Variants in VPS35L observed in about 807,000 individuals in gnomAD.
The protein encoded by VPS35L is VPS35 endosomal protein sorting factor like, also known as VPS35 endosomal protein-sorting factor-like.
In VPS35L, 83 loss-of-function variants were observed where a neutral mutation model predicts 133.0. The ratio of observed to expected loss-of-function variants is 0.62; its 90% CI spans 0.52 to 0.75. The LOEUF (loss-of-function observed/expected upper bound fraction) is 0.75. VPS35L is among the 30% of genes least tolerant of loss of function. VPS35L has a pLI of 0.00. For synonymous variants in VPS35L, 423 were observed against 449.9 expected (o/e 0.94, Z 0.76); for missense variants, 1,083 against 1,206.8 (o/e 0.90, Z 1.52).
intron 26 of VPS35L, among the ~76,000 whole-genome samples, chr16:19,655,664 G>A (rs1373447248): frequency 3.9e-5 from 6 of 152,168 alleles, no homozygotes; most frequent in Admixed American, 3.3e-4. Flanking sequence ...TGTACACACC[G>A]GTGCTGTGCA....
intron 4 of VPS35L, 196 bp downstream of exon 4, chr16:19,573,437 A>G (rs1188775239): frequency 7.5e-6 from 4 of 533,906 alleles, no homozygotes; most frequent in Non-Finnish European, 1.3e-5. Context: ...AGGTTTCCCA[A>G]AAAAAAATGT....
rs990154538 is a variant in VPS35L at position 19,591,551 on chromosome 16, A to C, written c.640-239A>C. Among the ~76,000 whole-genome samples the C allele has an allele frequency of 4.2e-5, 6 of 141,636 alleles. No individual in the cohort carries two copies. The East Asian group carries it at 6.3e-4, about 15-fold the overall frequency. The allele number at this position is 141,636 out of a possible 152,430, so 92.9% of individuals were successfully genotyped here. A position where few individuals can be genotyped will look rare whatever the true frequency, so the allele number is the denominator to read the frequency against. On this transcript the variant is annotated intron_variant, in intron 7 of 30. Transcript: ENST00000417362. ...GGCAACATAGCGAGACCCCATCTCT[A>C]CAAAAAAAAAAAAGGAAGGGAAAAC...
intron 1 of VPS35L, among the ~76,000 whole-genome samples, chr16:19,564,115 G>T (rs980180712): frequency 2.6e-5 from 4 of 152,068 alleles, no homozygotes; most frequent in Non-Finnish European, 5.9e-5. Context: ...GTCTCACTCT[G>T]TCCCCCAGGC....
rs1457493435 is a variant in VPS35L at position 19,699,110 on chromosome 16, T to C, written c.2647-392T>C. The stretch of plus-strand genomic sequence containing the variant: ...ATACTGACTGCAGCTTTGGGTAGTT[T>C]GAGGACACATCTGAAAGAGGTGAGC... On this transcript the variant is annotated intron_variant, in intron 29 of 30. Coordinates refer to ENST00000417362, the MANE Select transcript of VPS35L (RefSeq NM_020314.7). This position sits in a 1 kb window ranked among gnomAD's most constrained non-coding sequence, Gnocchi z 4.2. 6.6e-6 allele frequency among the ~76,000 whole-genome samples: 1 copy of C among 152,186 alleles called. No individual in the cohort carries two copies. Among genetic ancestry groups the C allele is most frequent in the African/African-American group, 2.4e-5 (1 of 41,450 alleles).
intron 12 of VPS35L, among the ~76,000 whole-genome samples, 156 bp from the exon 13 acceptor site, chr16:19,615,958 C>T (rs1450952777): frequency 8.0e-6 from 1 of 124,306 alleles, no homozygotes; most frequent in Non-Finnish European, 1.5e-5. Flanking sequence ...CAGAGCGAGA[C>T]TCCATCTCAA....
chr16:19,580,961 T>C (rs962327838), intron 6 of VPS35L, among the ~76,000 whole-genome samples: 1 of 152,204 alleles, frequency 6.6e-6, no homozygotes, highest in African/African-American at 2.4e-5. Flanking sequence ...TGCGCTTTTT[T>C]CAATGGGCAC....
rs188400839 is a variant in VPS35L, at chr16:19,628,894, C to T, written c.1500+141C>T. 4.2e-3 allele frequency: 1,189 copies of T among 285,164 alleles called. 10 individuals are homozygous for T. The highest frequency in any genetic ancestry group is 0.022 in the African/African-American group (999 of 45,044). 17.7% of individuals were successfully genotyped at this position (285,164 alleles called of 1,614,324 possible). A position where few individuals can be genotyped will look rare whatever the true frequency, so the allele number is the denominator to read the frequency against. On this transcript the variant is annotated intron_variant, in intron 17 of 30. Coordinates refer to ENST00000417362, the MANE Select transcript of VPS35L (RefSeq NM_020314.7). The stretch of plus-strand genomic sequence containing the variant: ...GCAACCTCTGCCTCCTGGGTTCAAG[C>T]GATTCTTCTGCCTCAGCCTCCCGAG...
chr16:19,650,042 A>G (rs1380998251), intron 24 of VPS35L, among the ~76,000 whole-genome samples: 1 of 152,178 alleles, frequency 6.6e-6, no homozygotes, highest in Non-Finnish European at 1.5e-5. Context: ...AGATTTCTAA[A>G]TTCTTAAACT....
At chr16:19,583,602 A>C (rs1193453721) in intron 7 of VPS35L, among the ~76,000 whole-genome samples, 1 of 151,900 alleles carries the variant, frequency 6.6e-6, no homozygotes, top group African/African-American at 2.4e-5. Context: ...CACCCCTGTA[A>C]TCCCAGTTAC....
intron 1 of VPS35L, 30 bp downstream of exon 1, chr16:19,555,776 A>G (rs1970832203): frequency 6.4e-7 from 1 of 1,560,242 alleles, no homozygotes; most frequent in Non-Finnish European, 8.7e-7. Context: ...TGGGCTTTGG[A>G]GAGGGGCTGT....
At chr16:19,672,861 G>GA (rs1974923464) in intron 27 of VPS35L, among the ~76,000 whole-genome samples, 1 of 152,058 alleles carries the variant, frequency 6.6e-6, no homozygotes, top group African/African-American at 2.4e-5. Flanking sequence ...GAAGGCAAAA[G>GA]AAAAAAATCA....
intron 27 of VPS35L, among the ~76,000 whole-genome samples, chr16:19,671,516 C>T (rs1303476903): frequency 6.8e-6 from 1 of 147,118 alleles, no homozygotes; most frequent in East Asian, 2.0e-4. Flanking sequence ...ATGGCTCACT[C>T]CAGTAATCCC....
intron 14 of VPS35L, among the ~76,000 whole-genome samples, chr16:19,622,245 A>G (rs1189524992): frequency 1.3e-5 from 2 of 149,754 alleles, no homozygotes; most frequent in Non-Finnish European, 3.0e-5. Flanking sequence ...CCCGGGTTCA[A>G]GCAGTTCTCC....
At chr16:19,613,287 A>G (rs1418823600) in intron 12 of VPS35L, among the ~76,000 whole-genome samples, 2 of 152,242 alleles carry the variant, frequency 1.3e-5, no homozygotes, top group Non-Finnish European at 2.9e-5. Flanking sequence ...TGGGTGACAG[A>G]GCAAGACTGC....
At chr16:19,686,700 G>A (rs1190005037) in intron 28 of VPS35L, among the ~76,000 whole-genome samples, 1 of 152,124 alleles carries the variant, frequency 6.6e-6, no homozygotes, top group Non-Finnish European at 1.5e-5. Flanking sequence ...ACTCTGACCT[G>A]ACCAAATTAC....
intron 14 of VPS35L, among the ~76,000 whole-genome samples, chr16:19,625,168 T>G (rs755967389): frequency 3.9e-4 from 60 of 152,152 alleles, no homozygotes; most frequent in Non-Finnish European, 4.9e-4. Flanking sequence ...TGGCCTTTGA[T>G]CCCAGTCTGC....
chr16:19,676,248 G>A (rs773660553), intron 27 of VPS35L, among the ~76,000 whole-genome samples: 5 of 151,998 alleles, frequency 3.3e-5, no homozygotes, highest in Admixed American at 2.6e-4. Context: ...GCAAAACTCC[G>A]ACTCAAAAAA....
intron 28 of VPS35L, among the ~76,000 whole-genome samples, chr16:19,683,763 C>G (rs112731616): frequency 1.1e-4 from 17 of 152,194 alleles, no homozygotes; most frequent in Non-Finnish European, 2.4e-4. Flanking sequence ...AGTGAACATA[C>G]GTGTGCATGT....
At chr16:19,667,743 A>AT (rs1321612850) in intron 26 of VPS35L, among the ~76,000 whole-genome samples, 1 of 151,842 alleles carries the variant, frequency 6.6e-6, no homozygotes, top group Non-Finnish European at 1.5e-5. Context: ...GGAAAAAAAA[A>AT]AAAAAAAACC....
Sources: allele counts gnomAD v4.1 joint callset (sites outside exome capture counted in the v4.1 genomes callset), GRCh38; gene constraint gnomAD v4.1.1; non-coding constraint Gnocchi (gnomAD v3.1); transcripts MANE v1.5; gene names NCBI Gene and HGNC (gene_info 2026-07-23, HGNC 2026-07-21).